The following BPNT1 variants were observed in gnomAD, a reference collection of about 807,000 sequenced individuals.
BPNT1 encodes 3'(2'),5'-bisphosphate nucleotidase 1.
In BPNT1, 28 loss-of-function variants were observed where a neutral mutation model predicts 36.9. The observed-to-expected ratio is 0.76, with a 90% CI of 0.56 to 1.04. The LOEUF (loss-of-function observed/expected upper bound fraction) is 1.04, where lower values mean the gene tolerates loss of function less well. BPNT1 is among the 50% of genes least tolerant of loss of function. The pLI is 0.00. For synonymous variants in BPNT1, 119 were observed against 130.9 expected (o/e 0.91, Z 0.62); for missense variants, 313 against 372.9 (o/e 0.84, Z 1.32).
chr1:220,062,469 G>A (rs913753002), intron 7 of BPNT1, among the ~76,000 whole-genome samples: 2 of 152,060 alleles, frequency 1.3e-5, no homozygotes, highest in African/African-American at 4.8e-5. Context: ...CAAAGGACAT[G>A]AACTCATCAT....
chr1:220,067,652 A>G (rs1328582841), intron 5 of BPNT1, among the ~76,000 whole-genome samples: 2 of 152,164 alleles, frequency 1.3e-5, no homozygotes, highest in Admixed American at 6.5e-5. Context: ...AGCAGCCATA[A>G]TTTTGCAGCC....
rs747113136 is a variant in BPNT1 at position 220,059,740 on chromosome 1, C to T, written c.724G>A (p.Gly242Ser). ...KASAYVFASP[G>S]CKKWDTCAPE... ...GCACAAGTATCCCACTTCTTACAAC[C>T]AGGACTTGCAAATACATAAGCAGAG... The change falls in exon 8 of 9, where the codon GGT (glycine) becomes AGT (serine). Residue 242 changes from glycine (G) to serine (S), a missense_variant. Transcript: ENST00000322067. 6.2e-7 allele frequency: 1 copy of T among 1,610,874 alleles called. No individual in the cohort carries two copies. The highest frequency in any genetic ancestry group is 1.7e-5 in the Admixed American group (1 of 59,324).
rs181132179 is a variant in BPNT1 at position 220,077,968 on chromosome 1, G to A, written c.120+1759C>T. ...AAGGTGGGTGGATCACTTGAAGCCA[G>A]GAGTTTGAGACCAGCCTGGGCAATA... is the stretch of plus-strand genomic sequence containing the variant. On this transcript the variant is annotated intron_variant, in intron 2 of 8. Coordinates refer to ENST00000322067, the MANE Select transcript of BPNT1 (RefSeq NM_006085.6). Among the ~76,000 whole-genome samples, 625 of 152,096 alleles carry A rather than the reference G, an allele frequency of 4.1e-3. 4 individuals are homozygous for A. The highest frequency in any genetic ancestry group is 0.014 in the African/African-American group (566 of 41,498).
chr1:220,069,422 C>T lies in BPNT1; in HGVS notation c.344G>A (p.Trp115Ter). ...CTTGGTTCCATCCAGAGGATCAACCCAGACCACGAGCTAAAATTAAAAAGA... is the reference window on the plus strand; with the variant it reads ...CTTGGTTCCATCCAGAGGATCAACCTAGACCACGAGCTAAAATTAAAAAGA... ...SAIKEEDLVV[W>*]VDPLDGTKEY... The change falls in exon 5 of 9, where the codon TGG becomes TAG. Residue 115 changes from tryptophan to a stop codon, truncating the protein, a stop_gained. Transcript: ENST00000322067. LOFTEE classifies it high-confidence loss of function. 1 of 1,602,578 alleles carries T rather than the reference C, an allele frequency of 6.2e-7. No homozygotes were observed. Among genetic ancestry groups the T allele is most frequent in the Non-Finnish European group, 8.5e-7 (1 of 1,175,594 alleles).
At chr1:220,068,959 G>A (rs1174886244) in intron 5 of BPNT1, among the ~76,000 whole-genome samples, 2 of 152,218 alleles carry the variant, frequency 1.3e-5, no homozygotes, top group Admixed American at 1.3e-4. Context: ...TTTAGAAGGT[G>A]AGGCTATGAA....
At chr1:220,059,026 GT>G in intron 8 of BPNT1, 34 bp from the exon 9 acceptor site, 4 of 1,607,042 alleles carry the variant, frequency 2.5e-6, no homozygotes, top group Non-Finnish European at 3.4e-6. Context: ...AATCAAGTTA[GT>G]GGCTAATTGG....
chr1:220,066,056 C>T, intron 6 of BPNT1: 1 of 1,513,698 alleles, frequency 6.6e-7, no homozygotes, highest in Non-Finnish European at 8.8e-7. Flanking sequence ...AGCCAAAACC[C>T]TAGCTATTTT....
At chr1:220,061,159 A>AT (rs886436437) in intron 7 of BPNT1, among the ~76,000 whole-genome samples, 4 of 152,134 alleles carry the variant, frequency 2.6e-5, no homozygotes, top group African/African-American at 9.7e-5. Flanking sequence ...ACAGATGCAG[A>AT]TTTTTCCCCA....
chr1:220,084,440 T>TTATTATGCAC (rs1655526460), intron 1 of BPNT1, among the ~76,000 whole-genome samples: 1 of 152,210 alleles, frequency 6.6e-6, no homozygotes, highest in South Asian at 2.1e-4. Context: ...TATATCTGAT[T>TTATTATGCAC]TATTATGCAC....
At chr1:220,072,745 CTATTT>C in intron 4 of BPNT1, 100 bp downstream of exon 4, 2 of 888,800 alleles carry the variant, frequency 2.3e-6, no homozygotes, top group South Asian at 3.1e-5. Flanking sequence ...CTGGTTGCCC[CTATTT>C]TATAACTACC....
chr1:220,065,393 T>C (rs563555650), intron 6 of BPNT1, among the ~76,000 whole-genome samples: 26 of 152,204 alleles, frequency 1.7e-4, no homozygotes, highest in Middle Eastern at 3.4e-3. Flanking sequence ...AAGGCGAAAA[T>C]TTTCTGACAA....
chr1:220,062,107 A>G (rs1663089493), intron 7 of BPNT1, among the ~76,000 whole-genome samples: 1 of 151,348 alleles, frequency 6.6e-6, no homozygotes, highest in Non-Finnish European at 1.5e-5. Context: ...TGTACAAATT[A>G]TAGTCTTTAC....
In BPNT1 at chr1:220,086,480, G is replaced by C. The variant is rs566487875; in HGVS notation, c.-9+3206C>G. On this transcript the variant is annotated intron_variant, in intron 1 of 8. Coordinates refer to ENST00000322067, the MANE Select transcript of BPNT1 (RefSeq NM_006085.6). ...GTAGAGATGGGGTTTCACCACATTGGCCAGGCTGGTCTCGAACACCTGACC... is the reference window on the plus strand; with the variant it reads ...GTAGAGATGGGGTTTCACCACATTGCCCAGGCTGGTCTCGAACACCTGACC... 9.9e-5 allele frequency among the ~76,000 whole-genome samples: 15 copies of C among 152,054 alleles called. No individual in the cohort carries two copies. In the East Asian group the frequency reaches 2.9e-3, roughly 30 times the overall value.
At chr1:220,082,085 T>TATAGAGAGAG (rs1171093697) in intron 1 of BPNT1, among the ~76,000 whole-genome samples, 6 of 103,280 alleles carry the variant, frequency 5.8e-5, no homozygotes, top group African/African-American at 2.3e-4. Flanking sequence ...TATATATATA[T>TATAGAGAGAG]AGAGAGAGAG....
chr1:220,083,183 G>A (rs1472251833), intron 1 of BPNT1, among the ~76,000 whole-genome samples: 1 of 145,278 alleles, frequency 6.9e-6, no homozygotes, highest in Non-Finnish European at 1.5e-5. Flanking sequence ...ATTGCAGTGG[G>A]CCGAGATCGT....
At chr1:220,066,096 T>C in intron 6 of BPNT1, 1 of 1,524,632 alleles carries the variant, frequency 6.6e-7, no homozygotes, top group South Asian at 1.2e-5. Context: ...CTGTGTTCCC[T>C]TAACTGCTGT....
chr1:220,078,003 C>A (rs184906354), intron 2 of BPNT1, among the ~76,000 whole-genome samples: 70 of 151,482 alleles, frequency 4.6e-4, no homozygotes, highest in African/African-American at 1.2e-3. Context: ...ATACTGAAAC[C>A]CCATCTCCAC....
intron 6 of BPNT1, chr1:220,065,975 C>T: frequency 8.4e-6 from 6 of 717,634 alleles, no homozygotes; most frequent in Non-Finnish European, 1.1e-5. Context: ...AGAAAATGAA[C>T]TGGTATGTGG....
chr1:220,076,400 C>G (rs1470875642), intron 2 of BPNT1, among the ~76,000 whole-genome samples: 1 of 150,554 alleles, frequency 6.6e-6, no homozygotes, highest in Non-Finnish European at 1.5e-5. Context: ...ACTCGGGAGG[C>G]TGAGGCAGGA....
Sources: gnomAD v4.1 joint callset for allele counts (sites outside exome capture counted in the v4.1 genomes callset) on GRCh38, gnomAD v4.1.1 for gene constraint, MANE v1.5 for transcripts, NCBI Gene and HGNC (gene_info 2026-07-23, HGNC 2026-07-21) for gene names.